The following DLGAP2 variants were observed in gnomAD, a reference collection of about 807,000 sequenced individuals.
DLGAP2 encodes disks large-associated protein 2.
DLGAP2 carries 26 observed loss-of-function variants against 100.3 expected under a neutral mutation model. That is an observed-to-expected ratio of 0.26 (90% CI 0.19 to 0.36). The LOEUF (loss-of-function observed/expected upper bound fraction) is 0.36, where lower values mean the gene tolerates loss of function less well. DLGAP2 is among the 10% of genes least tolerant of loss of function. DLGAP2 has a pLI of 1.00. For synonymous variants in DLGAP2, 886 were observed against 630.1 expected, an observed-to-expected ratio of 1.41 and a Z score of -6.08; for missense variants, 1,858 against 1,453.2, an observed-to-expected ratio of 1.28 and a Z score of -4.53.
intron 2 of DLGAP2, among the ~76,000 whole-genome samples, chr8:1,069,084 A>G (rs902289068): frequency 2.0e-5 from 3 of 152,228 alleles, no homozygotes; most frequent in African/African-American, 7.2e-5. Context: ...GCCCTGCACT[A>G]GACACACATT....
intron 2 of DLGAP2, among the ~76,000 whole-genome samples, chr8:1,253,105 C>T (rs1371543706): frequency 1.1e-4 from 17 of 152,184 alleles, no homozygotes; most frequent in Non-Finnish European, 2.1e-4. Context: ...GCGTGGCTTC[C>T]TGTAGAAGGA....
intron 2 of DLGAP2, among the ~76,000 whole-genome samples, chr8:1,237,588 A>G (rs372657044): frequency 9.0e-4 from 103 of 114,522 alleles, no homozygotes; most frequent in Middle Eastern, 6.4e-3. Flanking sequence ...CACCGTGTCT[A>G]GTTCTCTCAC....
chr8:1,125,305 G>T (rs1796139961), intron 2 of DLGAP2, among the ~76,000 whole-genome samples: 1 of 152,168 alleles, frequency 6.6e-6, no homozygotes. Flanking sequence ...GTTATGGTTA[G>T]AGCTTTGGAA....
chr8:1,548,223 G>T (rs1801608275), intron 4 of DLGAP2, among the ~76,000 whole-genome samples: 1 of 152,020 alleles, frequency 6.6e-6, no homozygotes, highest in Non-Finnish European at 1.5e-5. Context: ...ACTTTGGGAG[G>T]CTGAGGCCAG....
At chr8:1,531,848 C>T (rs1300394355) in intron 4 of DLGAP2, among the ~76,000 whole-genome samples, 1 of 152,112 alleles carries the variant, frequency 6.6e-6, no homozygotes, top group African/African-American at 2.4e-5. Flanking sequence ...AGACAGGTCT[C>T]AGTTTATTTA....
chr8:1,075,140 A>AC (rs1434456099), intron 2 of DLGAP2, among the ~76,000 whole-genome samples: 5 of 152,324 alleles, frequency 3.3e-5, no homozygotes, highest in Admixed American at 1.3e-4. Context: ...AATGGAGTTC[A>AC]CCACTTGGGG....
At chr8:997,751 C>G (rs1325853525) in intron 2 of DLGAP2, among the ~76,000 whole-genome samples, 4 of 152,144 alleles carry the variant, frequency 2.6e-5, no homozygotes, top group African/African-American at 9.7e-5. Flanking sequence ...AATGAAAGTA[C>G]TATTCCTGCG....
At chr8:1,282,250 C>G (rs1425705921) in intron 3 of DLGAP2, among the ~76,000 whole-genome samples, 2 of 146,716 alleles carry the variant, frequency 1.4e-5, no homozygotes, top group South Asian at 2.2e-4. Context: ...ATGGTGTGAC[C>G]TGAACCCAGC....
intron 2 of DLGAP2, among the ~76,000 whole-genome samples, chr8:1,131,687 C>G (rs10107468): frequency 0.9 from 137,403 of 152,086 alleles, 62,211 homozygotes; most frequent in Middle Eastern, 0.96. Flanking sequence ...CCGGACGCGG[C>G]TGCTGTTCCA....
intron 2 of DLGAP2, among the ~76,000 whole-genome samples, chr8:1,156,457 C>A (rs898405573): frequency 6.6e-6 from 1 of 152,180 alleles, no homozygotes; most frequent in Non-Finnish European, 1.5e-5. Context: ...CCAGGCCACA[C>A]GCTCACGTCT....
chr8:977,639 T>C (rs1208580199), intron 2 of DLGAP2, among the ~76,000 whole-genome samples: 1 of 152,236 alleles, frequency 6.6e-6, no homozygotes, highest in Non-Finnish European at 1.5e-5. Flanking sequence ...TATAAAACTG[T>C]CCTTCTTTGT....
intron 3 of DLGAP2, among the ~76,000 whole-genome samples, chr8:1,352,441 C>T (rs557521563): frequency 6.6e-6 from 1 of 152,304 alleles, no homozygotes; most frequent in African/African-American, 2.4e-5. Flanking sequence ...CCCTCCCCTT[C>T]CTGGGGTCAC....
intron 2 of DLGAP2, among the ~76,000 whole-genome samples, chr8:1,199,976 G>T (rs1039461641): frequency 3.0e-4 from 46 of 152,112 alleles, no homozygotes; most frequent in African/African-American, 9.6e-4. Flanking sequence ...GTCTCAGCAG[G>T]GGTCAGTCTG....
chr8:1,039,511 G>A (rs1304672204), intron 2 of DLGAP2, among the ~76,000 whole-genome samples: 1 of 136,776 alleles, frequency 7.3e-6, no homozygotes, highest in African/African-American at 2.8e-5. Flanking sequence ...TGGTCGGCTC[G>A]GTGTGCATGT....
chr8:841,331 C>T (rs992651685), intron 1 of DLGAP2, among the ~76,000 whole-genome samples: 4 of 152,196 alleles, frequency 2.6e-5, no homozygotes, highest in African/African-American at 9.6e-5. Flanking sequence ...TCACACTTGT[C>T]CATCTTTGGC....
At chr8:1,569,758 C>G (rs1802576171) in intron 6 of DLGAP2, among the ~76,000 whole-genome samples, 1 of 152,212 alleles carries the variant, frequency 6.6e-6, no homozygotes. Flanking sequence ...GAAGGTAGCT[C>G]AGCCCCAAGC....
At chr8:1,697,016 C>A in intron 13 of DLGAP2, 131 bp from the exon 14 acceptor site, 1 of 985,142 alleles carries the variant, frequency 1.0e-6, no homozygotes, top group Non-Finnish European at 1.4e-6. Context: ...CAAGTATCTG[C>A]CTCAGGCTGG....
chr8:1,559,853 C>T (rs1040659686), intron 5 of DLGAP2, among the ~76,000 whole-genome samples: 3 of 152,192 alleles, frequency 2.0e-5, no homozygotes, highest in Non-Finnish European at 4.4e-5. Flanking sequence ...TGCCCCATCG[C>T]CTCTGCCTGC....
intron 1 of DLGAP2, among the ~76,000 whole-genome samples, chr8:846,850 G>C (rs1273089932): frequency 2.6e-5 from 4 of 152,176 alleles, no homozygotes; most frequent in Admixed American, 2.0e-4. Flanking sequence ...TTTTCCCAGT[G>C]ATGAGTGATG....
Sources: allele counts gnomAD v4.1 joint callset (sites outside exome capture counted in the v4.1 genomes callset), GRCh38; gene constraint gnomAD v4.1.1; transcripts MANE v1.5; gene names NCBI Gene and HGNC (gene_info 2026-07-23, HGNC 2026-07-21).